Variants in NRG1 observed in about 807,000 individuals in gnomAD.
NRG1 encodes the protein neuregulin 1, also known as pro-neuregulin-1, membrane-bound isoform.
In NRG1, 18 loss-of-function variants were observed where a neutral mutation model predicts 63.8. The ratio of observed to expected loss-of-function variants is 0.28; its 90% CI spans 0.19 to 0.42. NRG1 has a LOEUF of 0.42. NRG1 is among the 10% of genes least tolerant of loss of function. NRG1 has a pLI of 1.00. For synonymous variants in NRG1, 302 were observed against 301.3 expected (o/e 1.00, Z -0.02); for missense variants, 762 against 814.7 (o/e 0.94, Z 0.79).
At chr8:32,011,754 T>C (rs1240941344) in intron 1 of NRG1, among the ~76,000 whole-genome samples, 5 of 152,096 alleles carry the variant, frequency 3.3e-5, no homozygotes, top group Non-Finnish European at 5.9e-5. Context: ...CCTGGTCTTT[T>C]CACTGCTAGG....
chr8:32,097,238 T>C lies in NRG1; in HGVS notation c.37+457807T>C, dbSNP rs1053096796. Among the ~76,000 whole-genome samples, 11 of 152,218 alleles carry C rather than the reference T, an allele frequency of 7.2e-5. 1 individual carries two copies. The highest frequency in any genetic ancestry group is 6.5e-4 in the Admixed American group (10 of 15,282). ...ACATTTACCACATTTTCTTTATCCA[T>C]TTACTCATTGATGGATATTTAGGTT... On this transcript the variant is annotated intron_variant, in intron 1 of 10. Transcript: ENST00000519301.
chr8:32,763,593 G>C (rs1831097358), intron 11 of NRG1, among the ~76,000 whole-genome samples, 155 bp from the exon 12 acceptor site: 1 of 152,300 alleles, frequency 6.6e-6, no homozygotes, highest in East Asian at 1.9e-4. Context: ...TTCCAAGGGT[G>C]TGGAATTTCC....
intron 1 of NRG1, among the ~76,000 whole-genome samples, chr8:31,944,217 T>A (rs1323382162): frequency 6.6e-6 from 1 of 152,196 alleles, no homozygotes. Flanking sequence ...ATAGATCTTG[T>A]CTAACCCTTT....
Position 32,471,594 on chromosome 8 carries a change from A to G in NRG1, c.38-124234A>G, listed in dbSNP as rs759665482. Reference sequence around the variant, plus strand: ...AGTAGGGTTTAGTAAGAGACAATAAACATATTAAACAAAGCCTTACGTATT... The same window carrying G: ...AGTAGGGTTTAGTAAGAGACAATAAGCATATTAAACAAAGCCTTACGTATT... On this transcript the variant is annotated intron_variant, in intron 1 of 10. Coordinates refer to the NRG1 transcript ENST00000519301. Among the ~76,000 whole-genome samples the G allele has an allele frequency of 5.1e-4, 78 of 152,166 alleles. 1 individual carries two copies. The highest frequency in any genetic ancestry group is 1.8e-3 in the Admixed American group (28 of 15,274).
intron 1 of NRG1, among the ~76,000 whole-genome samples, chr8:31,843,187 A>C (rs975199): frequency 6.6e-6 from 1 of 151,874 alleles, no homozygotes; most frequent in Non-Finnish European, 1.5e-5. Flanking sequence ...ATTAATTTTC[A>C]TATACGAGAA....
Position 31,932,340 on chromosome 8 carries a change from A to G in NRG1, c.37+292909A>G, listed in dbSNP as rs1354649851. ...TTGGATGTACAAATTTCAGGCAAGT[A>G]TCCGATGTATCTTATAGAATCAGCT... On this transcript the variant is annotated intron_variant, in intron 1 of 10. Transcript: ENST00000519301. Among the ~76,000 whole-genome samples, 6 of 152,208 alleles carry G rather than the reference A, an allele frequency of 3.9e-5. No homozygotes were observed. In the South Asian group the frequency reaches 6.2e-4, roughly 16 times the overall value.
Position 32,396,029 on chromosome 8 carries a change from T to A in NRG1, c.38-199799T>A, listed in dbSNP as rs57234613. 6.3e-3 allele frequency among the ~76,000 whole-genome samples: 963 copies of A among 152,306 alleles called. 12 individuals carry two copies. Among genetic ancestry groups the A allele is most frequent in the African/African-American group, 0.022 (923 of 41,568 alleles). ...CCTTTGCTGCTTTGTTAAAAATAAA[T>A]TGACTATGTGTAAGTCTATTTCTGG... On this transcript the variant is annotated intron_variant, in intron 1 of 10. Transcript: ENST00000519301.
At chr8:31,865,546 C>A (rs1209885598) in intron 1 of NRG1, among the ~76,000 whole-genome samples, 1 of 152,072 alleles carries the variant, frequency 6.6e-6, no homozygotes, top group Non-Finnish European at 1.5e-5. Context: ...TCATGGGGGG[C>A]AGTTACCTCC....
chr8:31,705,353 T>G lies in NRG1; in HGVS notation c.37+65922T>G, dbSNP rs117835632. Among the ~76,000 whole-genome samples, 627 of 152,256 alleles carry G rather than the reference T, an allele frequency of 4.1e-3. 2 individuals are homozygous for G. The highest frequency in any genetic ancestry group is 0.027 in the South Asian group (129 of 4,826). The stretch of plus-strand genomic sequence containing the variant: ...GAGCCACCGCGCCCCAGCCTGTTTT[T>G]GTTTTTATTTTGTAAAACGGCCTTC... On this transcript the variant is annotated intron_variant, in intron 1 of 10. Coordinates refer to the NRG1 transcript ENST00000519301.
intron 1 of NRG1, among the ~76,000 whole-genome samples, chr8:32,399,886 G>A (rs1414964974): frequency 6.6e-6 from 1 of 152,124 alleles, no homozygotes; most frequent in Non-Finnish European, 1.5e-5. Flanking sequence ...TAATAGGTTT[G>A]GAAAGAGAAA....
chr8:32,645,415 G>T lies in NRG1; in HGVS notation c.502+28530G>T, dbSNP rs558423170. On this transcript the variant is annotated intron_variant, in intron 5 of 11. Coordinates refer to ENST00000356819, the Ensembl canonical transcript of NRG1. ...GTCATGGTTACATTTATGCAAATTGGCACAGGCTTTTGTTGTTGTTAGTTA... is the reference window on the plus strand; with the variant it reads ...GTCATGGTTACATTTATGCAAATTGTCACAGGCTTTTGTTGTTGTTAGTTA... Among the ~76,000 whole-genome samples, 3 of 152,292 alleles carry T rather than the reference G, an allele frequency of 2.0e-5. No homozygotes were observed. In the South Asian group the frequency reaches 6.2e-4, roughly 32 times the overall value.
chr8:31,853,362 T>C (rs1264084231), intron 1 of NRG1, among the ~76,000 whole-genome samples: 2 of 150,728 alleles, frequency 1.3e-5, no homozygotes, highest in African/African-American at 4.9e-5. Flanking sequence ...TATTTTATTC[T>C]CTTTGAAGCA....
rs139403886 is a variant in NRG1 at position 31,971,702 on chromosome 8, G to T, written c.37+332271G>T. Among the ~76,000 whole-genome samples, 702 of 151,894 alleles carry T rather than the reference G, an allele frequency of 4.6e-3. 4 individuals carry two copies. Among genetic ancestry groups the T allele is most frequent in the African/African-American group, 0.016 (670 of 41,448 alleles). On this transcript the variant is annotated intron_variant, in intron 1 of 10. Transcript: ENST00000519301. ...ACTAAGAAAGAAAAAGAAAAAAACT[G>T]ATTAAATTGTTTAAAAAAAAACAAA...
chr8:32,409,968 T>C (rs985297795), intron 1 of NRG1, among the ~76,000 whole-genome samples: 5 of 152,112 alleles, frequency 3.3e-5, no homozygotes, highest in Non-Finnish European at 5.9e-5. Context: ...TCGTTATCTC[T>C]GCATTCTGCT....
intron 5 of NRG1, among the ~76,000 whole-genome samples, chr8:32,721,573 A>G (rs1285250516): frequency 5.9e-5 from 9 of 152,144 alleles, no homozygotes; most frequent in African/African-American, 2.2e-4. Flanking sequence ...GAGATGATAC[A>G]TTACTTCCAG....
At chr8:32,664,577 C>T (rs967731438) in intron 5 of NRG1, among the ~76,000 whole-genome samples, 3 of 151,694 alleles carry the variant, frequency 2.0e-5, no homozygotes, top group Admixed American at 6.6e-5. Context: ...TCCTCACACA[C>T]ACAAAAAAAA....
intron 5 of NRG1, among the ~76,000 whole-genome samples, chr8:32,692,948 A>G (rs1001709414): frequency 6.6e-6 from 1 of 152,180 alleles, no homozygotes; most frequent in African/African-American, 2.4e-5. Context: ...ACACATTACT[A>G]CACTTATCAG....
downstream of NRG1, among the ~76,000 whole-genome samples, chr8:32,770,355 C>T (rs1489744816): frequency 6.6e-6 from 1 of 152,140 alleles, no homozygotes; most frequent in African/African-American, 2.4e-5. Context: ...CTTGGAGTTA[C>T]ACATCTAAGA....
At chr8:31,760,881 G>A (rs927842997) in intron 1 of NRG1, among the ~76,000 whole-genome samples, 1 of 152,114 alleles carries the variant, frequency 6.6e-6, no homozygotes, top group East Asian at 1.9e-4. Context: ...AACCATTGTG[G>A]AAGTCACTGT....
Sources: allele counts gnomAD v4.1 joint callset (sites outside exome capture counted in the v4.1 genomes callset), GRCh38; gene constraint gnomAD v4.1.1; transcripts MANE v1.5; gene names NCBI Gene and HGNC (gene_info 2026-07-23, HGNC 2026-07-21).